ALPK1: variants seen among roughly 807,000 people sequenced by gnomAD.
ALPK1 encodes alpha-protein kinase 1.
A neutral mutation model predicts 120.6 loss-of-function variants in ALPK1; 110 were observed. The observed-to-expected ratio is 0.91, with a 90% confidence interval of 0.78 to 1.07. The LOEUF is 1.07. Among genes scored for constraint, ALPK1 ranks in the 50% least tolerant of loss-of-function variants. ALPK1 has a pLI of 0.00. For synonymous variants in ALPK1, 582 were observed against 560.3 expected, an observed-to-expected ratio of 1.04 and a Z score of -0.55; for missense variants, 1,498 against 1,483.9, an observed-to-expected ratio of 1.01 and a Z score of -0.16.
chr4:112,430,934 C>T lies in ALPK1; in HGVS notation c.1387C>T (p.His463Tyr). 1.2e-6 allele frequency: 2 copies of T among 1,614,128 alleles called. No homozygotes were observed. The highest frequency in any genetic ancestry group is 1.7e-6 in the Non-Finnish European group (2 of 1,179,968). Reference sequence around the variant, plus strand: ...AATCCTTGACACCTATTCACAGCACCATACTTCGGTGTGTGAAGTATTTGA... The same window carrying T: ...AATCCTTGACACCTATTCACAGCACTATACTTCGGTGTGTGAAGTATTTGA... ...QKILDTYSQH[H>Y]TSVCEVFESD... The change falls in exon 11 of 16, where the codon CAT becomes TAT. Residue 463 changes from histidine to tyrosine, a missense_variant. Coordinates refer to ENST00000650871, the MANE Select transcript of ALPK1 (RefSeq NM_025144.4).
chr4:112,306,319 G>T lies in ALPK1; in HGVS notation c.-153+8850G>T, dbSNP rs1225779677. ...CTATTGATTGGAATAGTTTCAGAAGGAATGGTACCAGCCCCTCTTTGTACC... is the reference window on the plus strand; with the variant it reads ...CTATTGATTGGAATAGTTTCAGAAGTAATGGTACCAGCCCCTCTTTGTACC... On this transcript the variant is annotated intron_variant, in intron 1 of 15. Coordinates refer to ENST00000650871, the MANE Select transcript of ALPK1 (RefSeq NM_025144.4). Among the ~76,000 whole-genome samples the T allele has an allele frequency of 5.9e-5, 9 of 152,196 alleles. No homozygotes were observed. The South Asian group carries it at 1.9e-3, about 32-fold the overall frequency.
At chr4:112,363,067 G>T (rs1268422558) in intron 2 of ALPK1, among the ~76,000 whole-genome samples, 2 of 152,158 alleles carry the variant, frequency 1.3e-5, no homozygotes, top group African/African-American at 2.4e-5. Context: ...AGCCAGCACT[G>T]CAAGAACTGC....
chr4:112,424,767 G>A (rs927586975), intron 6 of ALPK1, among the ~76,000 whole-genome samples: 4 of 152,118 alleles, frequency 2.6e-5, no homozygotes, highest in Non-Finnish European at 5.9e-5. Flanking sequence ...GTCATCATGT[G>A]TGTGTGCACA....
chr4:112,382,733 A>C, intron 4 of ALPK1, 181 bp downstream of exon 4: 1 of 866,674 alleles, frequency 1.2e-6, no homozygotes, highest in East Asian at 2.8e-5. Flanking sequence ...TGCCCATAAG[A>C]TCTTGTGTTG....
chr4:112,357,530 G>A (rs1730691589), intron 2 of ALPK1: 1 of 965,618 alleles, frequency 1.0e-6, no homozygotes, highest in Non-Finnish European at 1.6e-6. Flanking sequence ...GTCTGTCAGG[G>A]CATCTGCTTT....
In ALPK1 at chr4:112,431,386, A is replaced by C. The variant is rs1282472544; in HGVS notation, c.1839A>C (p.Lys613Asn). The change falls in exon 11 of 16, where the codon AAA becomes AAC. Residue 613 changes from lysine to asparagine, a missense_variant. Lys to Asn is a moderately conservative substitution (Grantham distance 94). Coordinates refer to ENST00000650871, the MANE Select transcript of ALPK1 (RefSeq NM_025144.4). ...GGTCAGCCAGAAAAGAGCCTGGCAA[A>C]GAACATCTGGTGGACACTCAGTGTT... ...DDRSARKEPG[K>N]EHLVDTQCST... is the part of the protein sequence containing the mutation. The C allele has an allele frequency of 6.2e-7, 1 of 1,614,130 alleles. No homozygotes were observed. Among genetic ancestry groups the C allele is most frequent in the Non-Finnish European group, 8.5e-7 (1 of 1,180,056 alleles).
chr4:112,377,890 G>A lies in ALPK1; in HGVS notation c.113G>A (p.Arg38His), dbSNP rs373809231. 1.7e-5 allele frequency: 27 copies of A among 1,609,144 alleles called. No individual in the cohort carries two copies. The Admixed American group carries it at 3.0e-4, about 18-fold the overall frequency. Reference sequence around the variant, plus strand: ...GAAGAGGACAAGAGCGAGGACCAGCGCTGCAGAGGTGAGGTTCTGATGGGA... The same window carrying A: ...GAAGAGGACAAGAGCGAGGACCAGCACTGCAGAGGTGAGGTTCTGATGGGA... ...VSEEDKSEDQRCRALLPSELR... is the reference protein window; with the variant it reads ...VSEEDKSEDQHCRALLPSELR... Residue 38 changes from arginine to histidine, a missense_variant, in exon 3 of 16, where the codon CGC becomes CAC. Transcript: ENST00000650871.
chr4:112,372,091 C>A (rs1342798906), intron 2 of ALPK1, among the ~76,000 whole-genome samples: 1 of 152,068 alleles, frequency 6.6e-6, no homozygotes, highest in Admixed American at 6.5e-5. Context: ...TGTGTGCATT[C>A]GTTTCCTATT....
chr4:112,310,944 A>G (rs1429859653), intron 1 of ALPK1, among the ~76,000 whole-genome samples: 1 of 151,530 alleles, frequency 6.6e-6, no homozygotes, highest in African/African-American at 2.4e-5. Context: ...CATAGAATCG[A>G]AAGGGACTTT....
At chr4:112,356,100 A>C in intron 2 of ALPK1, 1 of 1,283,534 alleles carries the variant, frequency 7.8e-7, no homozygotes, top group Non-Finnish European at 1.1e-6. Context: ...CCTGCCCCTC[A>C]GCCACCCTCT....
At chr4:112,355,805 G>A (rs1226473242) in intron 2 of ALPK1, among the ~76,000 whole-genome samples, 1 of 152,236 alleles carries the variant, frequency 6.6e-6, no homozygotes, top group African/African-American at 2.4e-5. Flanking sequence ...GACTGGAAGT[G>A]GGGGCGGAAG....
intron 2 of ALPK1, chr4:112,357,399 C>A: frequency 1.4e-6 from 1 of 692,212 alleles, no homozygotes; most frequent in East Asian, 2.6e-5. Flanking sequence ...CACATCCATC[C>A]TGATGCCAGT....
chr4:112,352,084 T>C (rs1730385699), intron 2 of ALPK1, among the ~76,000 whole-genome samples: 1 of 152,104 alleles, frequency 6.6e-6, no homozygotes, highest in Admixed American at 6.5e-5. Context: ...CTCAATGGAG[T>C]CCCTGGTTCC....
intron 2 of ALPK1, among the ~76,000 whole-genome samples, chr4:112,325,728 A>G (rs538467077): frequency 2.0e-5 from 3 of 152,252 alleles, no homozygotes; most frequent in African/African-American, 7.2e-5. Context: ...ACTGCTCTCC[A>G]TCTGCTGCTC....
In ALPK1 at chr4:112,299,080, GT is replaced by G. The variant is rs78444226; in HGVS notation, c.-153+1619del. On this transcript the variant is annotated intron_variant, in intron 1 of 15. Coordinates refer to ENST00000650871, the MANE Select transcript of ALPK1 (RefSeq NM_025144.4). Reference sequence around the variant, plus strand: ...TGGTGAAAATATATTCCATATTTTTGTTTTTTTTGTATTTTGTATTGTATTT... The same window carrying G: ...TGGTGAAAATATATTCCATATTTTTGTTTTTTTGTATTTTGTATTGTATTT... Among the ~76,000 whole-genome samples the G allele has an allele frequency of 3.8e-3, 576 of 151,712 alleles. 4 individuals carry two copies. Among genetic ancestry groups the G allele is most frequent in the African/African-American group, 0.013 (541 of 41,410 alleles).
Position 112,424,001 on chromosome 4 carries a change from C to A in ALPK1, c.533C>A (p.Thr178Lys), listed in dbSNP as rs774069152. The A allele has an allele frequency of 6.2e-7, 1 of 1,613,524 alleles. No individual in the cohort carries two copies. The highest frequency in any genetic ancestry group is 1.7e-5 in the Admixed American group (1 of 60,006). ...LSSLISNNGA[T>K]GTWLYRNESD... ...AGTCTAATAAGCAACAATGGAGCAA[C>A]GGGTGAGTACTTTCATATCTTCACA... is the stretch of plus-strand genomic sequence containing the variant. The change falls in exon 6 of 16, where the codon ACG (threonine) becomes AAG (lysine). Residue 178 changes from threonine (T) to lysine (K), a missense_variant and splice_region_variant. Thr to Lys is a moderately conservative substitution (Grantham distance 78). Coordinates refer to ENST00000650871, the MANE Select transcript of ALPK1 (RefSeq NM_025144.4).
chr4:112,435,750 C>G (rs1230232019), intron 12 of ALPK1, among the ~76,000 whole-genome samples: 2 of 152,144 alleles, frequency 1.3e-5, no homozygotes, highest in African/African-American at 4.8e-5. Flanking sequence ...ATTGCTGAAC[C>G]CTTTAGGGAT....
rs114586520 is a variant in ALPK1, at chr4:112,376,985, A to C, written c.-100-693A>C. 2.9e-3 allele frequency among the ~76,000 whole-genome samples: 445 copies of C among 152,262 alleles called. 1 individual carries two copies. Among genetic ancestry groups the C allele is most frequent in the Non-Finnish European group, 5.3e-3 (363 of 68,016 alleles). On this transcript the variant is annotated intron_variant, in intron 2 of 15. Coordinates refer to ENST00000650871, the MANE Select transcript of ALPK1 (RefSeq NM_025144.4). ...AGTAAGTTATTTCATTCTTGAAATT[A>C]CCTTGACGGCAGTAGCTCATTAATC...
Position 112,374,747 on chromosome 4 carries a change from A to T in ALPK1, c.-100-2931A>T, listed in dbSNP as rs117289301. 4.3e-4 allele frequency among the ~76,000 whole-genome samples: 66 copies of T among 152,374 alleles called. No homozygotes were observed. In the East Asian group the frequency reaches 0.011, roughly 26 times the overall value. On this transcript the variant is annotated intron_variant, in intron 2 of 15. Coordinates refer to ENST00000650871, the MANE Select transcript of ALPK1 (RefSeq NM_025144.4). ...CATAAGAACAACATTAATCTTGTAC[A>T]TCTCAATCAGAGCTCTTGAGTGACC...
Sources: allele counts gnomAD v4.1 joint callset (sites outside exome capture counted in the v4.1 genomes callset), GRCh38; gene constraint gnomAD v4.1.1; transcripts MANE v1.5; gene names NCBI Gene and HGNC (gene_info 2026-07-23, HGNC 2026-07-21).